ERC1: variants seen among roughly 807,000 people sequenced by gnomAD.
The protein encoded by ERC1 is ELKS/RAB6-interacting/CAST family member 1.
A neutral mutation model predicts 132.0 loss-of-function variants in ERC1; 56 were observed. The observed-to-expected ratio is 0.42, with a 90% CI of 0.34 to 0.53. ERC1 has a LOEUF of 0.53. ERC1 is among the 20% of genes least tolerant of loss of function. The probability of loss-of-function intolerance (pLI) is 0.03; values close to 1 mark genes in which losing one functional copy is unlikely to be tolerated. For missense variants in ERC1, 1,202 were observed against 1,349.9 expected, an observed-to-expected ratio of 0.89 and a Z score of 1.72; for synonymous variants, 478 against 476.1, an observed-to-expected ratio of 1.00 and a Z score of -0.05.
At chr12:1,059,210 T>A (rs970847886) in intron 2 of ERC1, among the ~76,000 whole-genome samples, 6 of 152,222 alleles carry the variant, frequency 3.9e-5, no homozygotes, top group African/African-American at 1.4e-4. Flanking sequence ...AGTGAATTTG[T>A]TTATAAGTTC....
intron 14 of ERC1, among the ~76,000 whole-genome samples, chr12:1,274,079 TA>T (rs1335578853): frequency 6.6e-6 from 1 of 152,204 alleles, no homozygotes; most frequent in African/African-American, 2.4e-5. Flanking sequence ...TGTAGATGCT[TA>T]AAGTTATGAC....
chr12:1,317,659 T>C (rs1429811948), intron 15 of ERC1, among the ~76,000 whole-genome samples: 2 of 152,206 alleles, frequency 1.3e-5, no homozygotes, highest in Admixed American at 1.3e-4. Context: ...GGCATTGTAT[T>C]TCAAATGTCT....
At chr12:1,320,545 A>G (rs80131029) in intron 15 of ERC1, among the ~76,000 whole-genome samples, 3,843 of 152,298 alleles carry the variant, frequency 0.025, 76 homozygotes, top group South Asian at 0.079. Context: ...TCAATGCTAC[A>G]GAATTTTAAC....
intron 15 of ERC1, among the ~76,000 whole-genome samples, chr12:1,336,768 C>T (rs962908970): frequency 6.6e-6 from 1 of 151,542 alleles, no homozygotes; most frequent in Non-Finnish European, 1.5e-5. Context: ...TCCCTTTGAT[C>T]CTATGCTGAG....
Position 1,263,038 on chromosome 12 carries a change from G to A in ERC1, c.2492G>A (p.Ser831Asn), listed in dbSNP as rs768821017. 1 of 1,613,916 alleles carries A rather than the reference G, an allele frequency of 6.2e-7. No homozygotes were observed. The highest frequency in any genetic ancestry group is 1.3e-5 in the African/African-American group (1 of 75,038). ...TAGTCTTCCATCATTTTCTAGGACA[G>A]TCTCCGTAAGAAGGATGACAGGATT... ...LNDSSQQLQD[S>N]LRKKDDRIEE... Residue 831 changes from serine to asparagine, a missense_variant, in exon 14 of 19, where the codon AGT (serine) becomes AAT (asparagine). Ser to Asn is a conservative substitution (Grantham distance 46). Transcript: ENST00000360905.
Position 1,190,145 on chromosome 12 carries a change from T to TG in ERC1, c.2351+94dup, listed in dbSNP as rs1199540691. On this transcript the variant is annotated intron_variant, in intron 12 of 18. Coordinates refer to ENST00000360905, the MANE Select transcript of ERC1 (RefSeq NM_178040.4). ...CATACTTTTTCAGTGTATCTAACTC[T>TG]GAATTTAGGTTCTCGAATTCTTGCT... The TG allele has an allele frequency of 3.6e-6, 4 of 1,124,666 alleles. No individual in the cohort carries two copies. The Admixed American group carries it at 6.7e-5, about 19-fold the overall frequency. 69.7% of individuals were successfully genotyped at this position (1,124,666 alleles called of 1,614,324 possible).
chr12:1,374,727 C>T (rs2087667006), intron 16 of ERC1, among the ~76,000 whole-genome samples: 2 of 152,022 alleles, frequency 1.3e-5, no homozygotes, highest in Admixed American at 1.3e-4. Context: ...TTACAACCTC[C>T]GTATTGTGTT....
At position 1,025,859 on chromosome 12, in the gene ERC1, C is replaced by T. The variant is rs573219123; in HGVS notation, c.-156-1889C>T. Among the ~76,000 whole-genome samples, 7 of 139,430 alleles carry T rather than the reference C, an allele frequency of 5.0e-5. No individual in the cohort carries two copies. In the East Asian group the frequency reaches 8.4e-4, roughly 17 times the overall value. 91.5% of individuals were successfully genotyped at this position (139,430 alleles called of 152,430 possible). Reference sequence around the variant, plus strand: ...TGTCACCCAGGCTGGAGTGCAGTGGCGCGATCTCGGCTCACTGCAATGTCT... The same window carrying T: ...TGTCACCCAGGCTGGAGTGCAGTGGTGCGATCTCGGCTCACTGCAATGTCT... On this transcript the variant is annotated intron_variant, in intron 1 of 18. Coordinates refer to ENST00000360905, the MANE Select transcript of ERC1 (RefSeq NM_178040.4).
rs143693157 is a variant in ERC1 at position 1,454,277 on chromosome 12, T to C, written c.3213+9527T>C. Among the ~76,000 whole-genome samples, 12 of 152,340 alleles carry C rather than the reference T, an allele frequency of 7.9e-5. No homozygotes were observed. In the East Asian group the frequency reaches 1.9e-3, roughly 24 times the overall value. ...GTGCCTTGCCCTGTGCATCTCTTCATCTGCCGGTTCATTTGTGTTATCCTT... is the reference window on the plus strand; with the variant it reads ...GTGCCTTGCCCTGTGCATCTCTTCACCTGCCGGTTCATTTGTGTTATCCTT... On this transcript the variant is annotated intron_variant, in intron 18 of 18. Transcript: ENST00000360905.
In ERC1 at chr12:1,494,035, C is replaced by T. The variant is rs1565555078; in HGVS notation, c.*3805C>T. ...TCCCGCCCTCCTGTTGACCATGTTA[C>T]TTGAGTGTAGGCCCGGTGTCAAGAC... On this transcript the variant is annotated 3_prime_UTR_variant, in exon 19 of 19. Transcript: ENST00000360905. 1.3e-5 allele frequency: 3 copies of T among 232,408 alleles called. No individual in the cohort carries two copies. The highest frequency in any genetic ancestry group is 2.2e-5 in the African/African-American group (1 of 45,274). The allele number at this position is 232,408 out of a possible 1,614,324, so 14.4% of individuals were successfully genotyped here.
At chr12:1,238,372 T>G (rs928480090) in intron 13 of ERC1, among the ~76,000 whole-genome samples, 3 of 152,198 alleles carry the variant, frequency 2.0e-5, no homozygotes, top group African/African-American at 7.2e-5. Flanking sequence ...AGTATATATT[T>G]ACACATAAAT....
At chr12:1,263,728 C>A (rs1214714427) in intron 14 of ERC1, among the ~76,000 whole-genome samples, 1 of 151,792 alleles carries the variant, frequency 6.6e-6, no homozygotes, top group African/African-American at 2.4e-5. Flanking sequence ...TTGCTCTTGT[C>A]CCCCAGGCTG....
At chr12:1,353,319 C>T (rs966649435) in intron 15 of ERC1, among the ~76,000 whole-genome samples, 10 of 152,024 alleles carry the variant, frequency 6.6e-5, no homozygotes, top group African/African-American at 1.9e-4. Flanking sequence ...CGTGAGCCAC[C>T]GCGCCCGGCC....
chr12:1,492,045 C>T lies in ERC1; in HGVS notation c.*1815C>T. ...AGTCCAGGAACTTCCCACCACCAGC[C>T]CTTGACTGTCCCATTAACTGACATG... On this transcript the variant is annotated 3_prime_UTR_variant, in exon 19 of 19. Coordinates refer to ENST00000360905, the MANE Select transcript of ERC1 (RefSeq NM_178040.4). The T allele has an allele frequency of 4.3e-6, 1 of 233,192 alleles. No individual in the cohort carries two copies. The highest frequency in any genetic ancestry group is 8.5e-6 in the Non-Finnish European group (1 of 117,954). The allele number at this position is 233,192 out of a possible 1,614,324, so 14.4% of individuals were successfully genotyped here.
chr12:1,357,766 C>A (rs1345458990), intron 15 of ERC1, among the ~76,000 whole-genome samples: 3 of 152,154 alleles, frequency 2.0e-5, no homozygotes, highest in Admixed American at 6.5e-5. Flanking sequence ...CAATATAAAT[C>A]TTTTTATCAG....
chr12:1,367,934 T>C (rs1802399807), intron 15 of ERC1, among the ~76,000 whole-genome samples: 1 of 151,276 alleles, frequency 6.6e-6, no homozygotes, highest in Admixed American at 6.6e-5. Context: ...TTTGAAAGGT[T>C]TCGTGTCCAC....
chr12:1,242,112 G>A (rs1239043204), intron 13 of ERC1, among the ~76,000 whole-genome samples: 1 of 151,882 alleles, frequency 6.6e-6, no homozygotes, highest in African/African-American at 2.4e-5. Flanking sequence ...CTCCCAAAGT[G>A]CTGGGATTAT....
chr12:1,426,355 T>C (rs947441863), intron 17 of ERC1, among the ~76,000 whole-genome samples: 2 of 152,170 alleles, frequency 1.3e-5, no homozygotes, highest in African/African-American at 4.8e-5. Context: ...TCCACCCGCC[T>C]CAACCTCCCA....
chr12:1,274,480 T>TTTTA (rs368234236), intron 14 of ERC1, among the ~76,000 whole-genome samples: 7,191 of 150,194 alleles, frequency 0.048, 201 homozygotes, highest in East Asian at 0.08. Flanking sequence ...TTTTATTTTA[T>TTTTA]TTTATTTATT....
Sources: allele counts gnomAD v4.1 joint callset (sites outside exome capture counted in the v4.1 genomes callset), GRCh38; gene constraint gnomAD v4.1.1; transcripts MANE v1.5; gene names NCBI Gene and HGNC (gene_info 2026-07-23, HGNC 2026-07-21).